CFAP95: variants seen among roughly 807,000 people sequenced by gnomAD.
CFAP95 encodes cilia and flagella associated protein 95, also known as cilia- and flagella-associated protein 95.
At chr9:69,856,258 C>T in the CFAP95 span, among the ~76,000 whole-genome samples, 1 of 152,038 alleles carries the variant, frequency 6.6e-6, no homozygotes, top group South Asian at 2.1e-4. Flanking sequence ...TATACCAACC[C>T]TGAAAAGGAT....
chr9:69,857,519 A>G, the CFAP95 span, among the ~76,000 whole-genome samples: 1 of 152,092 alleles, frequency 6.6e-6, no homozygotes, highest in Non-Finnish European at 1.5e-5. Flanking sequence ...ACCCTAAATT[A>G]GTTTTTGTTT....
At chr9:69,894,663 G>A in the CFAP95 span, among the ~76,000 whole-genome samples, 1 of 152,188 alleles carries the variant, frequency 6.6e-6, no homozygotes, top group African/African-American at 2.4e-5. Context: ...AGTGTTCAAA[G>A]TGAACTTGGG....
the CFAP95 span, among the ~76,000 whole-genome samples, chr9:69,902,651 GT>G: frequency 6.6e-6 from 1 of 151,196 alleles, no homozygotes; most frequent in African/African-American, 2.4e-5. Flanking sequence ...CAATAGTAAG[GT>G]TTTTTAAGGT....
the CFAP95 span, among the ~76,000 whole-genome samples, chr9:69,856,343 C>G: frequency 2.7e-4 from 41 of 152,172 alleles, no homozygotes; most frequent in African/African-American, 8.9e-4. Context: ...TAGAAACAAC[C>G]AATTTGCTTT....
the CFAP95 span, among the ~76,000 whole-genome samples, chr9:69,896,094 G>C: frequency 6.6e-6 from 1 of 152,136 alleles, no homozygotes; most frequent in African/African-American, 2.4e-5. Flanking sequence ...ACTTTTGTAA[G>C]GAGAAATAAA....
At chr9:69,904,347 A>G in the CFAP95 span, among the ~76,000 whole-genome samples, 1 of 152,208 alleles carries the variant, frequency 6.6e-6, no homozygotes, top group Non-Finnish European at 1.5e-5. Context: ...AGGGTCTTTC[A>G]ATTCTGTAGC....
chr9:69,877,641 C>T, the CFAP95 span, among the ~76,000 whole-genome samples: 1 of 152,138 alleles, frequency 6.6e-6, no homozygotes, highest in South Asian at 2.1e-4. Flanking sequence ...GATCTTTTAT[C>T]CAACAACCTT....
the CFAP95 span, among the ~76,000 whole-genome samples, chr9:69,890,429 G>A: frequency 2.0e-5 from 3 of 152,080 alleles, no homozygotes; most frequent in Non-Finnish European, 4.4e-5. Context: ...CGTTTTTAGC[G>A]CTGCTTCTGA....
chr9:69,888,949 A>G, the CFAP95 span, among the ~76,000 whole-genome samples: 1 of 152,204 alleles, frequency 6.6e-6, no homozygotes, highest in East Asian at 1.9e-4. Context: ...AAAGTAATTG[A>G]AACTAGCAAT....
chr9:69,904,623 G>A, the CFAP95 span, among the ~76,000 whole-genome samples: 3 of 152,136 alleles, frequency 2.0e-5, no homozygotes, highest in Non-Finnish European at 4.4e-5. Flanking sequence ...CATAGACGCT[G>A]TATTTGAGGC....
At chr9:69,860,188 A>G in the CFAP95 span, among the ~76,000 whole-genome samples, 12 of 152,212 alleles carry the variant, frequency 7.9e-5, no homozygotes, top group African/African-American at 2.7e-4. Context: ...TAATTTATAA[A>G]GAAAAGAGGT....
the CFAP95 span, among the ~76,000 whole-genome samples, chr9:69,894,622 A>G: frequency 6.6e-6 from 1 of 152,202 alleles, no homozygotes; most frequent in Non-Finnish European, 1.5e-5. Flanking sequence ...TGTCCCAGAG[A>G]GTTTAAGTAT....
At chr9:69,874,001 A>G in the CFAP95 span, among the ~76,000 whole-genome samples, 1 of 152,318 alleles carries the variant, frequency 6.6e-6, no homozygotes, top group South Asian at 2.1e-4. Flanking sequence ...CTTATAAAGT[A>G]TATAATAACT....
chr9:69,844,437 T>C, the CFAP95 span: 95 of 802,046 alleles, frequency 1.2e-4, no homozygotes, highest in East Asian at 1.9e-3. Flanking sequence ...AAAATTTTCA[T>C]TGGATAATTT....
the CFAP95 span, among the ~76,000 whole-genome samples, chr9:69,852,139 TA>T: frequency 1.3e-5 from 2 of 152,094 alleles, no homozygotes; most frequent in Admixed American, 1.3e-4. Context: ...GTGATGATTT[TA>T]AAAGATAATC....
At chr9:69,825,957 T>C in the CFAP95 span, among the ~76,000 whole-genome samples, 1 of 152,190 alleles carries the variant, frequency 6.6e-6, no homozygotes, top group African/African-American at 2.4e-5. Flanking sequence ...ATTACTTTTC[T>C]TCCCTGCCTA....
At chr9:69,895,242 A>C in the CFAP95 span, among the ~76,000 whole-genome samples, 2 of 152,198 alleles carry the variant, frequency 1.3e-5, no homozygotes, top group African/African-American at 4.8e-5. Context: ...TTTTCTGGAA[A>C]AAAAGGAATT....
the CFAP95 span, among the ~76,000 whole-genome samples, chr9:69,832,819 A>G: frequency 6.6e-6 from 1 of 151,352 alleles, no homozygotes; most frequent in Admixed American, 6.6e-5. Context: ...AACATTAGAT[A>G]TATCTCCCAA....
At chr9:69,834,445 G>T in the CFAP95 span, among the ~76,000 whole-genome samples, 4 of 152,150 alleles carry the variant, frequency 2.6e-5, no homozygotes, top group Non-Finnish European at 5.9e-5. Context: ...AGTGTCCCAG[G>T]TGGGATTATC....
Sources: allele counts gnomAD v4.1 joint callset (sites outside exome capture counted in the v4.1 genomes callset), GRCh38; gene constraint gnomAD v4.1.1; transcripts MANE v1.5; gene names NCBI Gene and HGNC (gene_info 2026-07-23, HGNC 2026-07-21).